KLHL1: variants seen among roughly 807,000 people sequenced by gnomAD.
KLHL1 encodes the protein kelch-like protein 1.
Under a neutral mutation model 77.7 loss-of-function variants are expected in KLHL1, and 47 were observed. The ratio of observed to expected loss-of-function variants is 0.60; its 90% CI spans 0.48 to 0.77. The LOEUF is 0.77. KLHL1 is among the 30% of genes least tolerant of loss of function. KLHL1 has a pLI of 0.00. For synonymous variants in KLHL1, 360 were observed against 325.2 expected (o/e 1.11, Z -1.15); for missense variants, 925 against 910.8 (o/e 1.02, Z -0.20).
chr13:69,900,278 C>T (rs925158894), intron 4 of KLHL1, among the ~76,000 whole-genome samples: 11 of 152,062 alleles, frequency 7.2e-5, no homozygotes, highest in Admixed American at 1.3e-4. Context: ...GGCTCATGAA[C>T]GTAATATTCA....
intron 1 of KLHL1, among the ~76,000 whole-genome samples, chr13:69,997,172 T>C (rs1276616471): frequency 1.3e-5 from 2 of 151,614 alleles, no homozygotes; most frequent in East Asian, 3.9e-4. Flanking sequence ...AGTGAGCCAA[T>C]ATCACGCCAC....
At chr13:69,705,331 T>C (rs1431624832) in intron 10 of KLHL1, among the ~76,000 whole-genome samples, 1 of 151,708 alleles carries the variant, frequency 6.6e-6, no homozygotes, top group African/African-American at 2.4e-5. Flanking sequence ...TGTGTATGCA[T>C]TCTCTGTAAA....
chr13:70,074,744 G>GA (rs34421047), intron 1 of KLHL1, among the ~76,000 whole-genome samples: 102,694 of 145,526 alleles, frequency 0.71, 35,823 homozygotes, highest in South Asian at 0.85. Flanking sequence ...GAGCAAGCAA[G>GA]AAAAAAAAAA....
At chr13:69,967,664 C>T (rs1007102283) in intron 2 of KLHL1, among the ~76,000 whole-genome samples, 1 of 152,052 alleles carries the variant, frequency 6.6e-6, no homozygotes, top group African/African-American at 2.4e-5. Context: ...GCTGGTGGAT[C>T]ACTTGAGGCC....
At chr13:69,840,058 A>C (rs571195927) in intron 5 of KLHL1, among the ~76,000 whole-genome samples, 3 of 152,098 alleles carry the variant, frequency 2.0e-5, no homozygotes, top group East Asian at 3.9e-4. Context: ...TTGATAAAAA[A>C]ATTGTACCAC....
At chr13:70,000,799 C>T (rs537934579) in intron 1 of KLHL1, among the ~76,000 whole-genome samples, 2 of 150,978 alleles carry the variant, frequency 1.3e-5, no homozygotes, top group South Asian at 2.1e-4. Flanking sequence ...AGTGTGCAGA[C>T]TTATATATGT....
At chr13:69,841,622 C>T (rs992047199) in intron 5 of KLHL1, among the ~76,000 whole-genome samples, 3 of 151,778 alleles carry the variant, frequency 2.0e-5, no homozygotes, top group Admixed American at 6.6e-5. Flanking sequence ...ATTAAAATGA[C>T]CGCATTGCTC....
intron 5 of KLHL1, among the ~76,000 whole-genome samples, chr13:69,845,309 C>T (rs1186570616): frequency 6.6e-6 from 1 of 151,616 alleles, no homozygotes; most frequent in East Asian, 1.9e-4. Context: ...AGGAATTCAA[C>T]ACTGAACACA....
intron 1 of KLHL1, among the ~76,000 whole-genome samples, chr13:70,069,045 A>G (rs1165122418): frequency 1.3e-5 from 2 of 152,184 alleles, no homozygotes; most frequent in Non-Finnish European, 2.9e-5. Flanking sequence ...CTATTAAACT[A>G]TTTTGCCAGA....
chr13:69,860,931 C>T (rs1741575475), intron 5 of KLHL1, among the ~76,000 whole-genome samples: 1 of 151,352 alleles, frequency 6.6e-6, no homozygotes, highest in Non-Finnish European at 1.5e-5. Context: ...GCTAACTTTC[C>T]ATGTAAAATA....
At chr13:69,906,140 A>G (rs1260491772) in intron 4 of KLHL1, among the ~76,000 whole-genome samples, 1 of 152,118 alleles carries the variant, frequency 6.6e-6, no homozygotes, top group Non-Finnish European at 1.5e-5. Flanking sequence ...CATGAGAACT[A>G]TTCACTTATT....
At chr13:69,720,431 A>G (rs1349627187) in intron 8 of KLHL1, among the ~76,000 whole-genome samples, 5 of 152,032 alleles carry the variant, frequency 3.3e-5, no homozygotes, top group Admixed American at 6.6e-5. Context: ...CATTGTTAAA[A>G]CTTTTATTGA....
chr13:70,084,605 C>T (rs1378310614), intron 1 of KLHL1, among the ~76,000 whole-genome samples: 3 of 137,276 alleles, frequency 2.2e-5, no homozygotes, highest in African/African-American at 8.1e-5. Context: ...ACTACAGGCA[C>T]CTGCCACCAC....
chr13:69,799,795 A>C (rs12431347), intron 6 of KLHL1, among the ~76,000 whole-genome samples: 55,050 of 151,940 alleles, frequency 0.36, 10,217 homozygotes, highest in African/African-American at 0.42. Context: ...AGGGTCCCCA[A>C]CTTCCAGGAC....
At chr13:69,912,092 G>T (rs1684888068) in intron 4 of KLHL1, among the ~76,000 whole-genome samples, 2 of 152,092 alleles carry the variant, frequency 1.3e-5, no homozygotes, top group Non-Finnish European at 2.9e-5. Context: ...TTGCTCTTTG[G>T]AAATGGAACC....
intron 5 of KLHL1, among the ~76,000 whole-genome samples, chr13:69,880,663 A>G (rs1361846418): frequency 6.6e-6 from 1 of 152,186 alleles, no homozygotes; most frequent in Non-Finnish European, 1.5e-5. Flanking sequence ...ATTTAATGAC[A>G]TGCACAGGTG....
intron 4 of KLHL1, among the ~76,000 whole-genome samples, chr13:69,937,274 A>G (rs144811018): frequency 6.6e-5 from 10 of 152,320 alleles, no homozygotes; most frequent in Non-Finnish European, 1.3e-4. Context: ...AGAGAATTGC[A>G]TTAGTAAAAT....
intron 4 of KLHL1, among the ~76,000 whole-genome samples, chr13:69,934,826 CCTGA>C (rs1378996442): frequency 6.6e-6 from 1 of 151,630 alleles, no homozygotes; most frequent in African/African-American, 2.4e-5. Flanking sequence ...CAAATCTACA[CCTGA>C]CTAATTCTAC....
At chr13:69,780,986 A>G (rs556479223) in intron 7 of KLHL1, among the ~76,000 whole-genome samples, 22 of 130,076 alleles carry the variant, frequency 1.7e-4, no homozygotes, top group South Asian at 5.0e-4. Flanking sequence ...TCCCCAGATT[A>G]TTTTAGTAAG....
Sources: gnomAD v4.1 joint callset for allele counts (sites outside exome capture counted in the v4.1 genomes callset) on GRCh38, gnomAD v4.1.1 for gene constraint, MANE v1.5 for transcripts, NCBI Gene and HGNC (gene_info 2026-07-23, HGNC 2026-07-21) for gene names.